Variants in SLC8A3 observed in about 807,000 individuals in gnomAD.
The protein encoded by SLC8A3 is sodium/calcium exchanger 3.
SLC8A3 carries 37 observed loss-of-function variants against 65.4 expected under a neutral mutation model. That is an observed-to-expected ratio of 0.57 (90% CI 0.44 to 0.74). The LOEUF (loss-of-function observed/expected upper bound fraction) is 0.74. Among genes scored for constraint, SLC8A3 ranks in the 30% least tolerant of loss-of-function variants. SLC8A3 has a pLI of 0.00. For missense variants in SLC8A3, 1,112 were observed against 1,172.1 expected, an observed-to-expected ratio of 0.95 and a Z score of 0.75; for synonymous variants, 461 against 444.5, an observed-to-expected ratio of 1.04 and a Z score of -0.47.
intron 3 of SLC8A3, among the ~76,000 whole-genome samples, chr14:70,055,293 G>A (rs1056703463): frequency 5.9e-5 from 9 of 152,196 alleles, no homozygotes; most frequent in African/African-American, 1.9e-4. Flanking sequence ...TGAGATGGAA[G>A]ATCTCCAGGA....
chr14:70,184,895 C>T (rs551543147), intron 1 of SLC8A3, among the ~76,000 whole-genome samples: 136 of 151,742 alleles, frequency 9.0e-4, no homozygotes, highest in South Asian at 2.7e-3. Context: ...AGCCTCAGCA[C>T]GTATTTGAAC....
At chr14:70,136,026 A>G (rs531879370) in intron 2 of SLC8A3, among the ~76,000 whole-genome samples, 2 of 152,270 alleles carry the variant, frequency 1.3e-5, no homozygotes, top group East Asian at 1.9e-4. Flanking sequence ...ATGCATAACT[A>G]TTATGTTTAT....
At chr14:70,094,093 C>T (rs753110103) in intron 2 of SLC8A3, among the ~76,000 whole-genome samples, 1 of 152,206 alleles carries the variant, frequency 6.6e-6, no homozygotes, top group Non-Finnish European at 1.5e-5. Flanking sequence ...TCCTTGCTGA[C>T]CTTTGCATAA....
intron 2 of SLC8A3, chr14:70,079,856 G>A (rs1890890509): frequency 6.5e-6 from 1 of 152,964 alleles, no homozygotes; most frequent in Admixed American, 6.5e-5. Flanking sequence ...ACTTGCACCT[G>A]TCCCTGTGGT....
rs181907740 is a variant in SLC8A3 at position 70,143,301 on chromosome 14, A to T, written c.1784+23338T>A. Among the ~76,000 whole-genome samples, 226 of 152,316 alleles carry T rather than the reference A, an allele frequency of 1.5e-3. 1 individual carries two copies. Among genetic ancestry groups the T allele is most frequent in the East Asian group, 3.5e-3 (18 of 5,182 alleles). On this transcript the variant is annotated intron_variant, in intron 2 of 6. Transcript: ENST00000356921. ...CTGTGAGGAGGTACTATCATTGCCC[A>T]CATTTTACAAATTAAGGATTTGTAA...
intron 2 of SLC8A3, among the ~76,000 whole-genome samples, chr14:70,145,688 G>C (rs1409141483): frequency 1.3e-5 from 2 of 152,212 alleles, no homozygotes; most frequent in Admixed American, 1.3e-4. Context: ...AAAAGTCTAT[G>C]TGGGAGGAAG....
At chr14:70,062,595 T>G (rs1257107661) in intron 2 of SLC8A3, among the ~76,000 whole-genome samples, 1 of 152,196 alleles carries the variant, frequency 6.6e-6, no homozygotes, top group African/African-American at 2.4e-5. Context: ...CACTCTATAA[T>G]TTTCCCACGA....
In SLC8A3 at chr14:70,166,780, A is replaced by T; in HGVS notation, c.1643T>A (p.Met548Lys). ...TGATGTCCGCAGAACCTTGACCTCC[A>T]TAACACCAATACTCTCACTGACATG... ...TIHVSESIGVMEVKVLRTSGA... is the reference protein window; with the variant it reads ...TIHVSESIGVKEVKVLRTSGA... Residue 548 changes from methionine (M) to lysine (K), a missense_variant, in exon 2 of 7, where the codon ATG becomes AAG. Transcript: ENST00000356921. The T allele has an allele frequency of 6.2e-7, 1 of 1,614,124 alleles. No homozygotes were observed. Among genetic ancestry groups the T allele is most frequent in the Admixed American group, 1.7e-5 (1 of 60,030 alleles).
At chr14:70,111,402 C>T (rs989460732) in intron 2 of SLC8A3, among the ~76,000 whole-genome samples, 2 of 152,040 alleles carry the variant, frequency 1.3e-5, no homozygotes, top group African/African-American at 4.8e-5. Flanking sequence ...TTTAAAATGG[C>T]GATAATGATT....
intron 2 of SLC8A3, among the ~76,000 whole-genome samples, chr14:70,086,124 T>A (rs1891414830): frequency 6.6e-6 from 1 of 152,194 alleles, no homozygotes. Context: ...ATTTATTGAG[T>A]GTTCTTTATG....
intron 2 of SLC8A3, chr14:70,064,052 C>T: frequency 3.2e-6 from 2 of 621,928 alleles, no homozygotes; most frequent in East Asian, 5.7e-5. Flanking sequence ...TTTGCCCCAA[C>T]ACCACAGGGG....
chr14:70,159,173 C>T (rs540547683), intron 2 of SLC8A3, among the ~76,000 whole-genome samples: 1 of 152,244 alleles, frequency 6.6e-6, no homozygotes, highest in East Asian at 1.9e-4. Flanking sequence ...CTTTGGGAGG[C>T]CAAGGTGGCT....
At chr14:70,147,334 G>A (rs1238727501) in intron 2 of SLC8A3, among the ~76,000 whole-genome samples, 1 of 152,076 alleles carries the variant, frequency 6.6e-6, no homozygotes, top group Non-Finnish European at 1.5e-5. Flanking sequence ...TAAGGAAATT[G>A]AACCTTCAAG....
At chr14:70,083,104 G>T (rs752167872) in intron 2 of SLC8A3, among the ~76,000 whole-genome samples, 5 of 152,150 alleles carry the variant, frequency 3.3e-5, no homozygotes, top group Non-Finnish European at 7.3e-5. Flanking sequence ...GGCTCCACAT[G>T]ATTAGTTTCT....
At chr14:70,087,681 C>A (rs1218179138) in intron 2 of SLC8A3, among the ~76,000 whole-genome samples, 1 of 152,156 alleles carries the variant, frequency 6.6e-6, no homozygotes, top group Admixed American at 6.5e-5. Flanking sequence ...AAATTGGAAG[C>A]AATTGCTGTA....
chr14:70,084,279 T>C (rs1891268806), intron 2 of SLC8A3, among the ~76,000 whole-genome samples: 1 of 152,212 alleles, frequency 6.6e-6, no homozygotes, highest in African/African-American at 2.4e-5. Flanking sequence ...ATCTTCTCTA[T>C]TTCACCAACT....
chr14:70,090,870 C>T (rs1172864071), intron 2 of SLC8A3, among the ~76,000 whole-genome samples: 2 of 152,124 alleles, frequency 1.3e-5, no homozygotes, highest in Non-Finnish European at 2.9e-5. Flanking sequence ...CAAACTGCTT[C>T]GATAATTCAG....
intron 2 of SLC8A3, among the ~76,000 whole-genome samples, chr14:70,088,896 T>G (rs1406872761): frequency 6.6e-6 from 1 of 152,194 alleles, no homozygotes; most frequent in Non-Finnish European, 1.5e-5. Flanking sequence ...TTCTACCTCA[T>G]GAACACATTT....
At chr14:70,102,703 G>A (rs1025221419) in intron 2 of SLC8A3, among the ~76,000 whole-genome samples, 4 of 152,026 alleles carry the variant, frequency 2.6e-5, no homozygotes, top group Admixed American at 2.6e-4. Context: ...TCAGATTGAA[G>A]GTGGCATAAT....
Sources: gnomAD v4.1 joint callset for allele counts (sites outside exome capture counted in the v4.1 genomes callset) on GRCh38, gnomAD v4.1.1 for gene constraint, MANE v1.5 for transcripts, NCBI Gene and HGNC (gene_info 2026-07-23, HGNC 2026-07-21) for gene names.